BRD8: variants seen among roughly 807,000 people sequenced by gnomAD.
BRD8 encodes the protein bromodomain-containing protein 8.
BRD8 carries 67 observed loss-of-function variants against 143.1 expected under a neutral mutation model. That is an observed-to-expected ratio of 0.47 (90% CI 0.38 to 0.57). The LOEUF is 0.57. Ranked by LOEUF, BRD8 falls within the 20% of genes least tolerant of loss-of-function variation. The pLI, the probability that BRD8 is intolerant of heterozygous loss-of-function variation, is 0.00. For synonymous variants in BRD8, 505 were observed against 517.1 expected (o/e 0.98, Z 0.32); for missense variants, 1,103 against 1,503.0 (o/e 0.73, Z 4.40).
chr5:138,158,438 T>G (rs1180555307), intron 20 of BRD8, among the ~76,000 whole-genome samples: 1 of 152,058 alleles, frequency 6.6e-6, no homozygotes, highest in African/African-American at 2.4e-5. Context: ...GTCACTTTTT[T>G]TTTTCTTTTT....
chr5:138,143,797 A>G (rs1294755941), intron 25 of BRD8, among the ~76,000 whole-genome samples: 1 of 151,600 alleles, frequency 6.6e-6, no homozygotes, highest in African/African-American at 2.4e-5. Context: ...AAACGCACCA[A>G]TCAGCACTCT....
rs1196649098 is a variant in BRD8, at chr5:138,169,242, T to C, written c.622A>G (p.Met208Val). The C allele has an allele frequency of 8.7e-6, 14 of 1,613,888 alleles. No homozygotes were observed. Among genetic ancestry groups the C allele is most frequent in the African/African-American group, 2.7e-5 (2 of 74,920 alleles). ...CTCACCCCAGAGGTAGCCTCTTCCA[T>C]AGTGGTTGGAGTCAAGTCCCCAAGT... is the stretch of plus-strand genomic sequence containing the variant. ...YPLGDLTPTT[M>V]EEATSGVNES... Residue 208 changes from methionine (M) to valine (V), a missense_variant, in exon 8 of 27, where the codon ATG becomes GTG. By Grantham distance (21) the Met-to-Val change is conservative. Transcript: ENST00000254900.
intron 9 of BRD8, chr5:138,167,539 C>A (rs60004037): frequency 5.0e-6 from 1 of 199,494 alleles, no homozygotes; most frequent in East Asian, 1.4e-4. Context: ...AAAAAGGAAA[C>A]TGAGGCTCAA....
rs1269338761 is a variant in BRD8 at position 138,164,706 on chromosome 5, T to C, written c.1731+8A>G. 1 of 1,613,818 alleles carries C rather than the reference T, an allele frequency of 6.2e-7. No individual in the cohort carries two copies. The highest frequency in any genetic ancestry group is 1.7e-5 in the Admixed American group (1 of 59,922). Reference sequence around the variant, plus strand: ...TCCATCTCCCCAGCCCCGATCTTTCTTAAGTACCTCTGTCTTCACATTTGT... The same window carrying C: ...TCCATCTCCCCAGCCCCGATCTTTCCTAAGTACCTCTGTCTTCACATTTGT... On this transcript the variant is annotated splice_region_variant and intron_variant, in intron 12 of 26. Transcript: ENST00000254900.
intron 20 of BRD8, among the ~76,000 whole-genome samples, chr5:138,154,168 T>C (rs1238385006): frequency 6.6e-6 from 1 of 152,226 alleles, no homozygotes; most frequent in Admixed American, 6.5e-5. Flanking sequence ...TCAACAAATA[T>C]AGTTATTCTA....
At position 138,171,179 on chromosome 5, in the gene BRD8, A is replaced by C. The variant is rs1284944509; in HGVS notation, c.237-19T>G. 6.3e-7 allele frequency: 1 copy of C among 1,599,644 alleles called. No individual in the cohort carries two copies. Among genetic ancestry groups the C allele is most frequent in the Non-Finnish European group, 8.5e-7 (1 of 1,174,218 alleles). On this transcript the variant is annotated intron_variant, in intron 4 of 26. Transcript: ENST00000254900. The stretch of plus-strand genomic sequence containing the variant: ...TTTCCGTCTGTGGAAAATTGAAAAA[A>C]AAAAATTCATATTCAAATAACATAA...
At chr5:138,155,290 A>T (rs1470277083) in intron 20 of BRD8, among the ~76,000 whole-genome samples, 1 of 151,544 alleles carries the variant, frequency 6.6e-6, no homozygotes, top group African/African-American at 2.4e-5. Context: ...CTACTAAAGA[A>T]ACCACAAAAT....
chr5:138,168,149 A>G, intron 8 of BRD8, 71 bp from the exon 9 acceptor site: 1 of 1,150,884 alleles, frequency 8.7e-7, no homozygotes, highest in Non-Finnish European at 1.3e-6. Flanking sequence ...ACAAAGCTCC[A>G]GCAGTTGATC....
intron 1 of BRD8, among the ~76,000 whole-genome samples, chr5:138,178,386 C>G (rs1754538992): frequency 6.6e-6 from 1 of 152,208 alleles, no homozygotes; most frequent in African/African-American, 2.4e-5. Flanking sequence ...AGCTGCTTCT[C>G]TCACACCTCC....
At position 138,167,954 on chromosome 5, in the gene BRD8, G is replaced by A. The variant is rs977627521; in HGVS notation, c.767C>T (p.Ala256Val). The A allele has an allele frequency of 2.5e-6, 4 of 1,613,882 alleles. No homozygotes were observed. The highest frequency in any genetic ancestry group is 1.6e-4 in the Middle Eastern group (1 of 6,062). ...CTTACCTGATGCAGCAGGGGAGGCT[G>A]CAACAGTATTGGGTGTTTGCTGTAT... ...GEIQQTPNTV[A>V]ASPAASGAPT... The change falls in exon 9 of 27, where the codon GCA becomes GTA. Residue 256 changes from alanine to valine, a missense_variant. Physicochemically the swap from Ala to Val is moderately conservative, Grantham distance 64. Transcript: ENST00000254900.
At chr5:138,158,632 G>A (rs1581423984) in intron 20 of BRD8, among the ~76,000 whole-genome samples, 2 of 150,590 alleles carry the variant, frequency 1.3e-5, no homozygotes, top group African/African-American at 4.9e-5. Context: ...TAGTAGAGAC[G>A]GGGTTTTTAC....
Position 138,152,559 on chromosome 5 carries a change from C to T in BRD8, c.2779G>A (p.Gly927Arg). The T allele has an allele frequency of 1.9e-6, 3 of 1,614,206 alleles. No homozygotes were observed. The highest frequency in any genetic ancestry group is 2.5e-6 in the Non-Finnish European group (3 of 1,180,042). ...PEREPSELLV[G>R]DGGSEESQEA... ...TGAGATTCCTCACTGCCTCCATCCC[C>T]AACAAGCAGTTCACTAGGTTCTCTC... Residue 927 changes from glycine (G) to arginine (R), a missense_variant, in exon 21 of 27, where the codon GGG becomes AGG. Physicochemically the swap from Gly to Arg is moderately radical, Grantham distance 125 (BLOSUM62 -2). Around this residue, in one of 7 missense-constraint regions of BRD8, gnomAD observed 369 missense variants for 445.5 expected, o/e 0.83. Coordinates refer to ENST00000254900, the MANE Select transcript of BRD8 (RefSeq NM_139199.2).
chr5:138,171,415 T>TAAAAAAAAAAAAAAAAAAAAAAAAAATA lies in BRD8; in HGVS notation c.187-6_187-5insTATTTTTTTTTTTTTTTTTTTTTTTTTT. 7.4e-7 allele frequency: 1 copy of TAAAAAAAAAAAAAAAAAAAAAAAAAATA among 1,346,186 alleles called. No homozygotes were observed. The highest frequency in any genetic ancestry group is 1.5e-5 in the African/African-American group (1 of 64,526). 83.4% of individuals were successfully genotyped at this position (1,346,186 alleles called of 1,614,324 possible). On this transcript the variant is annotated splice_polypyrimidine_tract_variant and splice_region_variant and intron_variant, in intron 3 of 26. Coordinates refer to ENST00000254900, the MANE Select transcript of BRD8 (RefSeq NM_139199.2). ...CGAGTACTGGGAAGCACAATGCTAT[T>TAAAAAAAAAAAAAAAAAAAAAAAAAATA]AAAAAAAAAAAAAAAAGTGAAAATG...
chr5:138,168,445 CA>C, intron 8 of BRD8: 1 of 1,533,862 alleles, frequency 6.5e-7, no homozygotes, highest in Non-Finnish European at 9.0e-7. Flanking sequence ...CCACAGCTCT[CA>C]AACACCCACA....
At chr5:138,153,502 ACTT>A (rs1442435410) in intron 20 of BRD8, among the ~76,000 whole-genome samples, 1 of 151,896 alleles carries the variant, frequency 6.6e-6, no homozygotes, top group Non-Finnish European at 1.5e-5. Flanking sequence ...CTCTACCTTT[ACTT>A]CTTATATGAA....
At chr5:138,176,921 A>C (rs969944848) in intron 2 of BRD8, among the ~76,000 whole-genome samples, 2 of 151,428 alleles carry the variant, frequency 1.3e-5, no homozygotes, top group Admixed American at 1.3e-4. Flanking sequence ...CCCCATCTCT[A>C]CAAAAAAATA....
At position 138,177,885 on chromosome 5, in the gene BRD8, A is replaced by G. The variant is rs74671230; in HGVS notation, c.20-218T>C. Among the ~76,000 whole-genome samples the G allele has an allele frequency of 2.0e-3, 305 of 152,326 alleles. 2 individuals are homozygous for G. The highest frequency in any genetic ancestry group is 6.9e-3 in the African/African-American group (286 of 41,558). Reference sequence around the variant, plus strand: ...TATTCGTTGCATGTGAATTATTAACATTTTATTTCTTAAAACGCCATGGCT... The same window carrying G: ...TATTCGTTGCATGTGAATTATTAACGTTTTATTTCTTAAAACGCCATGGCT... On this transcript the variant is annotated intron_variant, in intron 1 of 26. Coordinates refer to ENST00000254900, the MANE Select transcript of BRD8 (RefSeq NM_139199.2).
At position 138,164,934 on chromosome 5, in the gene BRD8, G is replaced by C. The variant is rs1753281057; in HGVS notation, c.1511C>G (p.Pro504Arg). Reference sequence around the variant, plus strand: ...AGGTTCCACCTTGATCTCTGCACTGGGCTCCCTGATGTCCACCAGTTCATG... The same window carrying C: ...AGGTTCCACCTTGATCTCTGCACTGCGCTCCCTGATGTCCACCAGTTCATG... The part of the protein sequence containing the change: ...GIHELVDIRE[P>R]SAEIKVEPAE... The change falls in exon 12 of 27, where the codon CCC becomes CGC. Residue 504 changes from proline to arginine, a missense_variant. Physicochemically the swap from Pro to Arg is moderately radical, Grantham distance 103. Around this residue, in one of 7 missense-constraint regions of BRD8, gnomAD observed 139 missense variants for 139.0 expected, o/e 1.00. Coordinates refer to ENST00000254900, the MANE Select transcript of BRD8 (RefSeq NM_139199.2). 6.2e-7 allele frequency: 1 copy of C among 1,614,022 alleles called. No homozygotes were observed. The highest frequency in any genetic ancestry group is 8.5e-7 in the Non-Finnish European group (1 of 1,180,040).
At chr5:138,164,244 C>T (rs1581436447) in intron 13 of BRD8, 76 bp downstream of exon 13, 12 of 1,577,694 alleles carry the variant, frequency 7.6e-6, no homozygotes, top group East Asian at 6.7e-5. Context: ...TCTACCTCCT[C>T]TACTTGCCCA....
Sources: gnomAD v4.1 joint callset for allele counts (sites outside exome capture counted in the v4.1 genomes callset) on GRCh38, gnomAD v4.1.1 for gene constraint, gnomAD v4.1.1 regional missense constraint, MANE v1.5 for transcripts, NCBI Gene and HGNC (gene_info 2026-07-23, HGNC 2026-07-21) for gene names.